The following TBL1X variants were observed in gnomAD, a reference collection of about 807,000 sequenced individuals.
TBL1X encodes F-box-like/WD repeat-containing protein TBL1X.
TBL1X carries 10 observed loss-of-function variants against 50.7 expected under a neutral mutation model. The observed-to-expected ratio is 0.20, with a 90% CI of 0.12 to 0.33. The LOEUF (loss-of-function observed/expected upper bound fraction) is 0.33. Ranked by LOEUF, TBL1X falls within the 10% of genes least tolerant of loss-of-function variation. The probability of loss-of-function intolerance (pLI) is 1.00; values close to 1 mark genes in which losing one functional copy is unlikely to be tolerated. For synonymous variants in TBL1X, 190 were observed against 214.7 expected, an observed-to-expected ratio of 0.88 and a Z score of 1.01; for missense variants, 340 against 504.4, an observed-to-expected ratio of 0.67 and a Z score of 3.12.
intron 2 of TBL1X, among the ~76,000 whole-genome samples, chrX:9,529,712 G>A (rs778662608): frequency 3.5e-4 from 38 of 108,803 alleles, no homozygotes; most frequent in Non-Finnish European, 7.1e-4. Context: ...GAATGCCAAG[G>A]TGGAAGGATC....
intron 2 of TBL1X, among the ~76,000 whole-genome samples, chrX:9,538,262 C>T (rs2082198892): frequency 9.0e-6 from 1 of 111,553 alleles, no homozygotes; most frequent in Non-Finnish European, 1.9e-5. Flanking sequence ...AGTAACCATG[C>T]TGCTCCCCAT....
chrX:9,469,509 G>T (rs1277923422), intron 1 of TBL1X, among the ~76,000 whole-genome samples: 10 of 112,541 alleles, frequency 8.9e-5, no homozygotes, highest in African/African-American at 3.2e-4. Context: ...TGGGAATTGG[G>T]TCTGGAAAGG....
Position 9,681,543 on chromosome X carries a change from G to GT in TBL1X, c.212-2497dup, listed in dbSNP as rs2083025748. ...TGGTAATGTGGTCAGAATCGGCTCT[G>GT]TTTCACAGAGCATGTGACTGCAAGT... On this transcript the variant is annotated intron_variant, in intron 5 of 17. Transcript: ENST00000645353. 4.4e-5 allele frequency among the ~76,000 whole-genome samples: 5 copies of GT among 112,413 alleles called. No individual in the cohort carries two copies. The South Asian group carries it at 1.8e-3, about 41-fold the overall frequency.
intron 1 of TBL1X, among the ~76,000 whole-genome samples, chrX:9,476,214 A>T (rs892696752): frequency 1.8e-5 from 2 of 112,311 alleles, no homozygotes; most frequent in African/African-American, 6.5e-5. Flanking sequence ...TTTAGGCCCC[A>T]GTAAGAAATT....
At chrX:9,615,495 T>C (rs2082634679) in intron 2 of TBL1X, among the ~76,000 whole-genome samples, 2 of 112,405 alleles carry the variant, frequency 1.8e-5, no homozygotes, top group South Asian at 7.5e-4. Context: ...CGATGGAGAA[T>C]TGTAGGCTGT....
chrX:9,565,171 C>T (rs1300284591), intron 2 of TBL1X, among the ~76,000 whole-genome samples: 9 of 101,059 alleles, frequency 8.9e-5, no homozygotes, highest in Non-Finnish European at 1.6e-4. Context: ...ACTCGGGAGG[C>T]TGAAGCAGGA....
chrX:9,540,909 A>C (rs765380299), intron 2 of TBL1X, among the ~76,000 whole-genome samples: 1 of 111,850 alleles, frequency 8.9e-6, no homozygotes, highest in East Asian at 2.8e-4. Flanking sequence ...TTTTTCTGTC[A>C]ATAATCAGAG....
At chrX:9,617,642 C>T (rs2074035) in intron 2 of TBL1X, among the ~76,000 whole-genome samples, 33,582 of 110,700 alleles carry the variant, frequency 0.3, 4,283 homozygotes, top group East Asian at 0.7. Context: ...GATGACACAG[C>T]AGCTTCAGAA....
intron 1 of TBL1X, among the ~76,000 whole-genome samples, chrX:9,480,386 A>T (rs2081874935): frequency 8.9e-6 from 1 of 112,468 alleles, no homozygotes; most frequent in Non-Finnish European, 1.9e-5. Flanking sequence ...CAAAACTGAA[A>T]GTTTAAGCAA....
chrX:9,619,597 T>A (rs771209104), intron 2 of TBL1X, among the ~76,000 whole-genome samples: 4 of 112,703 alleles, frequency 3.5e-5, no homozygotes, highest in African/African-American at 1.3e-4. Context: ...GTTATTTTCA[T>A]TTTGAAAAAA....
chrX:9,601,031 T>A (rs1354318575), intron 2 of TBL1X, among the ~76,000 whole-genome samples: 1 of 111,933 alleles, frequency 8.9e-6, no homozygotes, highest in Non-Finnish European at 1.9e-5. Flanking sequence ...GAACAGAGGA[T>A]GATGAAATAA....
chrX:9,667,529 C>T (rs1300773830), intron 5 of TBL1X, among the ~76,000 whole-genome samples: 3 of 111,970 alleles, frequency 2.7e-5, no homozygotes, highest in Non-Finnish European at 5.6e-5. Context: ...ACCTGATGGT[C>T]AAACGAATTA....
intron 3 of TBL1X, among the ~76,000 whole-genome samples, chrX:9,642,598 GA>G (rs1167257287): frequency 8.9e-6 from 1 of 111,811 alleles, no homozygotes; most frequent in Non-Finnish European, 1.9e-5. Context: ...TCTCAGGCAG[GA>G]AGATTCCAAG....
intron 3 of TBL1X, among the ~76,000 whole-genome samples, chrX:9,649,850 A>G (rs927262525): frequency 8.9e-6 from 1 of 111,903 alleles, no homozygotes; most frequent in Non-Finnish European, 1.9e-5. Flanking sequence ...GTGCAGTGGC[A>G]TAATCATGGC....
chrX:9,571,248 G>A (rs978773185), intron 2 of TBL1X, among the ~76,000 whole-genome samples: 1 of 111,530 alleles, frequency 9.0e-6, no homozygotes, highest in African/African-American at 3.3e-5. Flanking sequence ...GTATGGGTGG[G>A]GTGGAGGGGC....
chrX:9,477,215 G>A (rs1269388536), intron 1 of TBL1X, among the ~76,000 whole-genome samples: 2 of 112,045 alleles, frequency 1.8e-5, no homozygotes, highest in African/African-American at 6.5e-5. Context: ...CAAGCCCAGG[G>A]ATCATTAATC....
At chrX:9,705,947 G>A (rs1209593058) in intron 13 of TBL1X, among the ~76,000 whole-genome samples, 1 of 110,933 alleles carries the variant, frequency 9.0e-6, no homozygotes, top group Non-Finnish European at 1.9e-5. Flanking sequence ...GGCTTCAGGA[G>A]GCTTCCAACC....
At chrX:9,500,301 G>A (rs372789341) in intron 1 of TBL1X, among the ~76,000 whole-genome samples, 9 of 86,306 alleles carry the variant, frequency 1.0e-4, no homozygotes, top group South Asian at 6.1e-4. Context: ...AAAAAAGCAA[G>A]AAAAAAAAAG....
intron 2 of TBL1X, among the ~76,000 whole-genome samples, chrX:9,580,725 C>T (rs1337157105): frequency 3.6e-5 from 4 of 111,019 alleles, no homozygotes; most frequent in African/African-American, 1.3e-4. Context: ...AGGGGGGGTG[C>T]TTTCAGGTTA....
Sources: allele counts gnomAD v4.1 joint callset (sites outside exome capture counted in the v4.1 genomes callset), GRCh38; gene constraint gnomAD v4.1.1; transcripts MANE v1.5; gene names NCBI Gene and HGNC (gene_info 2026-07-23, HGNC 2026-07-21).